GAS2: variants seen among roughly 807,000 people sequenced by gnomAD.
GAS2 encodes the protein growth arrest-specific protein 2.
In GAS2, 20 loss-of-function variants were observed where a neutral mutation model predicts 37.5. That is an observed-to-expected ratio of 0.53 (90% CI 0.37 to 0.77). GAS2 has a LOEUF of 0.77. GAS2 is among the 30% of genes least tolerant of loss of function. GAS2 has a pLI of 0.00. For synonymous variants in GAS2, 144 were observed against 132.2 expected (o/e 1.09, Z -0.61); for missense variants, 336 against 373.4 (o/e 0.90, Z 0.82).
intron 7 of GAS2, among the ~76,000 whole-genome samples, chr11:22,806,357 A>G (rs1856886402): frequency 6.6e-6 from 1 of 152,166 alleles, no homozygotes; most frequent in South Asian, 2.1e-4. Flanking sequence ...ATTAACGGAC[A>G]TGTAGGTTGA....
intron 3 of GAS2, chr11:22,688,547 A>T (rs972394362): frequency 6.6e-6 from 1 of 152,192 alleles, no homozygotes; most frequent in Non-Finnish European, 1.5e-5. Flanking sequence ...GAGAATATTT[A>T]TTGATCAAAA....
chr11:22,665,157 T>C (rs1272993883), upstream of GAS2, among the ~76,000 whole-genome samples: 1 of 152,160 alleles, frequency 6.6e-6, no homozygotes, highest in Non-Finnish European at 1.5e-5. Flanking sequence ...CTCTTAGCTT[T>C]TTATAACACC....
chr11:22,757,639 T>G (rs538447724), intron 7 of GAS2, among the ~76,000 whole-genome samples: 23 of 152,226 alleles, frequency 1.5e-4, no homozygotes, highest in Non-Finnish European at 2.9e-4. Context: ...TCATTTATTC[T>G]CTTGATTTTT....
chr11:22,700,326 T>C (rs1022423078), intron 3 of GAS2, among the ~76,000 whole-genome samples: 3 of 152,180 alleles, frequency 2.0e-5, no homozygotes, highest in Non-Finnish European at 4.4e-5. Flanking sequence ...CATCTTTGCT[T>C]TTTAATCCTG....
intron 7 of GAS2, among the ~76,000 whole-genome samples, chr11:22,795,508 TA>T (rs1856384741): frequency 6.6e-6 from 1 of 152,126 alleles, no homozygotes; most frequent in African/African-American, 2.4e-5. Flanking sequence ...GTGAGGTGTT[TA>T]CTCTGAGGTT....
intron 1 of GAS2, among the ~76,000 whole-genome samples, chr11:22,652,735 C>T (rs1004601038): frequency 2.0e-5 from 3 of 152,222 alleles, no homozygotes; most frequent in Admixed American, 6.5e-5. Context: ...AACTCCCTGA[C>T]CCCTTGCGCT....
At chr11:22,626,550 T>C (rs973615137) in intron 1 of GAS2, 5 of 152,802 alleles carry the variant, frequency 3.3e-5, no homozygotes, top group African/African-American at 1.2e-4. Context: ...AATGTTTGAT[T>C]AAATAAAAAC....
intron 5 of GAS2, among the ~76,000 whole-genome samples, chr11:22,746,310 T>C (rs543974364): frequency 7.2e-5 from 11 of 152,294 alleles, no homozygotes; most frequent in African/African-American, 2.4e-4. Context: ...GTTTGGAGAT[T>C]TTGTGAAGAG....
chr11:22,772,575 AT>A (rs1855037863), intron 7 of GAS2, among the ~76,000 whole-genome samples: 1 of 152,130 alleles, frequency 6.6e-6, no homozygotes, highest in African/African-American at 2.4e-5. Flanking sequence ...AGTTAGTATG[AT>A]TTCCATAGGC....
At chr11:22,737,891 A>T in intron 5 of GAS2, 123 bp downstream of exon 5, 3 of 838,238 alleles carry the variant, frequency 3.6e-6, no homozygotes, top group Non-Finnish European at 4.0e-6. Context: ...CTCATTCACG[A>T]TGATAATATG....
chr11:22,686,281 CT>C (rs1849942264), intron 3 of GAS2, among the ~76,000 whole-genome samples: 1 of 152,048 alleles, frequency 6.6e-6, no homozygotes, highest in South Asian at 2.1e-4. Context: ...GCTCAGATTT[CT>C]TTTCTCCACA....
At chr11:22,769,874 G>A (rs374260055) in intron 7 of GAS2, among the ~76,000 whole-genome samples, 15 of 152,158 alleles carry the variant, frequency 9.9e-5, no homozygotes, top group East Asian at 5.8e-4. Context: ...CCTGTGTCAT[G>A]TAACTTTCTG....
chr11:22,768,591 G>A (rs923638285), intron 7 of GAS2, among the ~76,000 whole-genome samples: 2 of 152,126 alleles, frequency 1.3e-5, no homozygotes, highest in African/African-American at 2.4e-5. Context: ...AACTCCGTGG[G>A]AACAAATTAT....
At chr11:22,653,097 CTTCT>C (rs1387749373) in intron 1 of GAS2, among the ~76,000 whole-genome samples, 2 of 137,486 alleles carry the variant, frequency 1.5e-5, no homozygotes, top group South Asian at 2.3e-4. Flanking sequence ...TCCTTCCTTC[CTTCT>C]TTCCTCCCTT....
chr11:22,651,905 T>G (rs559586438), intron 1 of GAS2, among the ~76,000 whole-genome samples: 2 of 152,342 alleles, frequency 1.3e-5, no homozygotes, highest in East Asian at 1.9e-4. Flanking sequence ...ATCTGAAGCC[T>G]TCTTCTCTCA....
chr11:22,704,014 C>G (rs1200326744), intron 3 of GAS2, among the ~76,000 whole-genome samples: 1 of 151,996 alleles, frequency 6.6e-6, no homozygotes, highest in East Asian at 1.9e-4. Context: ...AATCCCAGCT[C>G]AATCAAAAAT....
At chr11:22,713,004 G>A (rs376984923) in intron 3 of GAS2, among the ~76,000 whole-genome samples, 5 of 150,416 alleles carry the variant, frequency 3.3e-5, no homozygotes, top group South Asian at 2.1e-4. Flanking sequence ...CTTGAACCCC[G>A]GAGACAGAGC....
intron 7 of GAS2, among the ~76,000 whole-genome samples, chr11:22,786,613 G>A (rs1855829713): frequency 6.6e-6 from 1 of 152,136 alleles, no homozygotes; most frequent in Non-Finnish European, 1.5e-5. Flanking sequence ...GTACAGAAAT[G>A]ATTGTAATTG....
intron 4 of GAS2, among the ~76,000 whole-genome samples, chr11:22,736,164 T>G (rs951041834): frequency 1.3e-5 from 2 of 152,020 alleles, no homozygotes; most frequent in African/African-American, 4.8e-5. Flanking sequence ...GTGCTGGAAT[T>G]TATTTAATAT....
Sources: allele counts gnomAD v4.1 joint callset (sites outside exome capture counted in the v4.1 genomes callset), GRCh38; gene constraint gnomAD v4.1.1; transcripts MANE v1.5; gene names NCBI Gene and HGNC (gene_info 2026-07-23, HGNC 2026-07-21).